Variants in TDRD12 observed in about 807,000 individuals in gnomAD.
TDRD12 encodes putative ATP-dependent RNA helicase TDRD12.
TDRD12 carries 158 observed loss-of-function variants against 133.5 expected under a neutral mutation model. The ratio of observed to expected loss-of-function variants is 1.18; its 90% CI spans 1.04 to 1.35. The LOEUF is 1.35. Ranked by LOEUF, TDRD12 falls within the 40% of genes most tolerant of loss-of-function variation. TDRD12 has a pLI of 0.00. For synonymous variants in TDRD12, 460 were observed against 477.9 expected (o/e 0.96, Z 0.49); for missense variants, 1,443 against 1,321.3 (o/e 1.09, Z -1.43).
At chr19:32,800,453 G>A (rs1971356014) in intron 17 of TDRD12, 95 bp downstream of exon 17, 1 of 1,054,788 alleles carries the variant, frequency 9.5e-7, no homozygotes, top group Middle Eastern at 2.8e-4. Flanking sequence ...TTATTTCATG[G>A]CTTAGTATTA....
At chr19:32,743,112 A>G (rs17699213) in intron 4 of TDRD12, among the ~76,000 whole-genome samples, 38,049 of 152,230 alleles carry the variant, frequency 0.25, 5,104 homozygotes, top group Middle Eastern at 0.33. Flanking sequence ...CTTTGTTTCA[A>G]ACTTACAAAA....
intron 3 of TDRD12, among the ~76,000 whole-genome samples, chr19:32,741,162 A>G (rs1388972749): frequency 6.6e-6 from 1 of 152,168 alleles, no homozygotes; most frequent in Non-Finnish European, 1.5e-5. Flanking sequence ...GGCTCACTGC[A>G]ATCTCTGCCT....
chr19:32,800,731 A>G lies in TDRD12; in HGVS notation c.2038A>G (p.Ile680Val), dbSNP rs1020160372. The G allele has an allele frequency of 5.2e-6, 8 of 1,535,670 alleles. No homozygotes were observed. The East Asian group carries it at 1.7e-4, about 33-fold the overall frequency. Residue 680 changes from isoleucine (I) to valine (V), a missense_variant, in exon 18 of 28, where the codon ATC becomes GTC. Physicochemically the swap from Ile to Val is conservative, Grantham distance 29. Coordinates refer to ENST00000444215, the Ensembl canonical transcript of TDRD12. Reference sequence around the variant, plus strand: ...TCCAAGTCAGGCACAAAAGACCTTGATCTTCACCTGCTCTGTAGCTGAAAC... The same window carrying G: ...TCCAAGTCAGGCACAAAAGACCTTGGTCTTCACCTGCTCTGTAGCTGAAAC...
At chr19:32,800,201 T>C (rs1423288804) in exon 17 of TDRD12, 2 of 1,520,170 alleles carry the variant, frequency 1.3e-6, no homozygotes, top group East Asian at 2.4e-5. Context: ...AAAAAAAATA[T>C]TGAAGTTGAA....
intron 8 of TDRD12, among the ~76,000 whole-genome samples, chr19:32,765,432 A>G (rs1242525385): frequency 1.3e-5 from 2 of 152,246 alleles, no homozygotes; most frequent in East Asian, 1.9e-4. Flanking sequence ...ATAAAGACAC[A>G]TGCACACATA....
chr19:32,735,366 C>T (rs1969193401), intron 2 of TDRD12, among the ~76,000 whole-genome samples: 1 of 152,142 alleles, frequency 6.6e-6, no homozygotes, highest in Non-Finnish European at 1.5e-5. Context: ...TACTACATTC[C>T]CTTCAGCCAA....
At chr19:32,815,405 C>T (rs1258328017) in intron 25 of TDRD12, 43 bp from the exon 26 acceptor site, 1 of 1,476,664 alleles carries the variant, frequency 6.8e-7, no homozygotes, top group Non-Finnish European at 9.1e-7. Flanking sequence ...AGTTAAAATT[C>T]AGAGTGATTA....
At chr19:32,748,643 C>A in intron 5 of TDRD12, 112 bp downstream of exon 5, 2 of 1,045,822 alleles carry the variant, frequency 1.9e-6, no homozygotes, top group South Asian at 1.7e-5. Flanking sequence ...CGGCCCTCCT[C>A]AGAGGAGTTC....
chr19:32,812,789 G>C (rs574059822), intron 24 of TDRD12, among the ~76,000 whole-genome samples: 6 of 152,322 alleles, frequency 3.9e-5, no homozygotes, highest in African/African-American at 9.6e-5. Context: ...ATGGAAACGG[G>C]CAGGTCCCTT....
chr19:32,776,288 G>T (rs1452037219), intron 10 of TDRD12, among the ~76,000 whole-genome samples: 4 of 152,148 alleles, frequency 2.6e-5, no homozygotes, highest in Non-Finnish European at 5.9e-5. Flanking sequence ...TTTTCCTCAC[G>T]CAGTCTTTGG....
At chr19:32,732,459 A>T (rs1426352505) in intron 2 of TDRD12, among the ~76,000 whole-genome samples, 1 of 152,208 alleles carries the variant, frequency 6.6e-6, no homozygotes, top group African/African-American at 2.4e-5. Context: ...GGGTTATTTG[A>T]GATCCCACAG....
downstream of TDRD12, chr19:32,824,224 A>G (rs894837625): frequency 1.3e-5 from 2 of 152,518 alleles, no homozygotes; most frequent in Non-Finnish European, 2.9e-5. Flanking sequence ...TGGCTAGAAA[A>G]GTATGATGCA....
At position 32,735,265 on chromosome 19, in the gene TDRD12, C is replaced by G. The variant is rs115269825; in HGVS notation, c.183+3382C>G. Among the ~76,000 whole-genome samples, 476 of 146,532 alleles carry G rather than the reference C, an allele frequency of 3.2e-3. 3 individuals are homozygous for G. The highest frequency in any genetic ancestry group is 0.011 in the African/African-American group (438 of 40,646). ...AAATTAAAAGTGCCACTCTGGAGAA[C>G]ACACAAATGAAAAAAAAAATGAAAA... On this transcript the variant is annotated intron_variant, in intron 2 of 27. Transcript: ENST00000444215.
chr19:32,729,865 A>G (rs577424992), intron 1 of TDRD12, among the ~76,000 whole-genome samples: 4 of 129,396 alleles, frequency 3.1e-5, no homozygotes, highest in African/African-American at 6.0e-5. Context: ...ATCTCGGCTC[A>G]CTGCAAGCTC....
intron 11 of TDRD12, among the ~76,000 whole-genome samples, chr19:32,777,858 T>TA (rs59723327): frequency 3.6e-4 from 7 of 19,484 alleles, no homozygotes; most frequent in Admixed American, 1.0e-3. Flanking sequence ...TATATATATA[T>TA]TTTTTTTTTT....
intron 21 of TDRD12, among the ~76,000 whole-genome samples, chr19:32,806,364 T>C (rs1363898429): frequency 7.2e-6 from 1 of 138,494 alleles, no homozygotes; most frequent in Non-Finnish European, 1.5e-5. Context: ...TTTAAGACAG[T>C]CTCTGTCTGG....
At chr19:32,735,476 T>G (rs567819731) in intron 2 of TDRD12, among the ~76,000 whole-genome samples, 2 of 152,234 alleles carry the variant, frequency 1.3e-5, no homozygotes, top group South Asian at 4.2e-4. Context: ...CGGAGGTTGG[T>G]TCATGAGGTT....
rs1971341241 is a variant in TDRD12 at position 32,800,040 on chromosome 19, T to C, written c.1759-127T>C. 7.5e-6 allele frequency: 5 copies of C among 670,350 alleles called. No homozygotes were observed. In the South Asian group the frequency reaches 1.1e-4, roughly 14 times the overall value. 41.5% of individuals were successfully genotyped at this position (670,350 alleles called of 1,614,324 possible). A position where few individuals can be genotyped will look rare whatever the true frequency, so the allele number is the denominator to read the frequency against. ...TGAGCCACCACACCTGGCCTTTTCC[T>C]TTTATTTTTGAAAGACTTTCTCCAC... is the stretch of plus-strand genomic sequence containing the variant. On this transcript the variant is annotated intron_variant, in intron 16 of 27. Coordinates refer to ENST00000444215, the Ensembl canonical transcript of TDRD12.
exon 17 of TDRD12, chr19:32,800,348 A>T (rs1201513118): frequency 1.3e-6 from 2 of 1,514,586 alleles, no homozygotes; most frequent in African/African-American, 1.4e-5. Flanking sequence ...CTCTATGGCA[A>T]TGTCCAACAG....
Sources: allele counts gnomAD v4.1 joint callset (sites outside exome capture counted in the v4.1 genomes callset), GRCh38; gene constraint gnomAD v4.1.1; transcripts MANE v1.5; gene names NCBI Gene and HGNC (gene_info 2026-07-23, HGNC 2026-07-21).